NIPSNAP3B: variants seen among roughly 807,000 people sequenced by gnomAD.
NIPSNAP3B encodes the protein protein NipSnap homolog 3B.
In NIPSNAP3B, 30 loss-of-function variants were observed where a neutral mutation model predicts 31.5. The observed-to-expected ratio is 0.95, with a 90% CI of 0.71 to 1.29. NIPSNAP3B has a LOEUF of 1.29. Ranked by LOEUF, NIPSNAP3B falls within the 50% of genes most tolerant of loss-of-function variation. NIPSNAP3B has a pLI of 0.00. For missense variants in NIPSNAP3B, 269 were observed against 300.7 expected (o/e 0.89, Z 0.78); for synonymous variants, 106 against 107.9 (o/e 0.98, Z 0.11).
chr9:104,784,932 CCA>C, the NIPSNAP3B span, among the ~76,000 whole-genome samples: 5 of 152,160 alleles, frequency 3.3e-5, no homozygotes, highest in Admixed American at 6.5e-5. Context: ...GCATGAGCCA[CCA>C]CGCCCGGCCA....
downstream of NIPSNAP3B, chr9:104,782,138 G>A (rs1458595841): frequency 6.6e-6 from 1 of 151,918 alleles, no homozygotes; most frequent in African/African-American, 2.4e-5. Context: ...AGTAAAATGA[G>A]GAAACCATAA....
At chr9:104,780,685 A>G (rs754668985), downstream of NIPSNAP3B, among the ~76,000 whole-genome samples, 5 of 152,208 alleles carry the variant, frequency 3.3e-5, no homozygotes, top group Non-Finnish European at 7.3e-5. Context: ...CTTCCCCTAT[A>G]CCAAGTGAAC....
At chr9:104,785,767 G>T in the NIPSNAP3B span, 1 of 1,075,354 alleles carries the variant, frequency 9.3e-7, no homozygotes, top group East Asian at 2.5e-5. Flanking sequence ...ATAAGTTTCT[G>T]AGAGAAGGAA....
chr9:104,781,119 T>C (rs1287799665), downstream of NIPSNAP3B: 1 of 152,648 alleles, frequency 6.6e-6, no homozygotes, highest in Non-Finnish European at 1.5e-5. Context: ...TTTTTTTCTT[T>C]TTTCCTTTTA....
rs1157620093 is a variant in NIPSNAP3B at position 104,775,762 on chromosome 9, C to T, written c.*2689C>T. On this transcript the variant is annotated 3_prime_UTR_variant, in exon 6 of 6. Transcript: ENST00000374762. ...TGATCTTTAACCAGAAACTTTATCTCAGCTATTGGCAACTCCAGGTTTCTG... is the reference window on the plus strand; with the variant it reads ...TGATCTTTAACCAGAAACTTTATCTTAGCTATTGGCAACTCCAGGTTTCTG... Among the ~76,000 whole-genome samples the T allele has an allele frequency of 6.6e-6, 1 of 152,214 alleles. No individual in the cohort carries two copies. Among genetic ancestry groups the T allele is most frequent in the Non-Finnish European group, 1.5e-5 (1 of 68,038 alleles).
the NIPSNAP3B span, among the ~76,000 whole-genome samples, chr9:104,789,791 TCCA>T: frequency 9.9e-5 from 15 of 152,066 alleles, no homozygotes; most frequent in Non-Finnish European, 2.1e-4. Context: ...GTACTATCTC[TCCA>T]CATAATAAGT....
At position 104,773,157 on chromosome 9, in the gene NIPSNAP3B, G is replaced by A. The variant is rs550069726; in HGVS notation, c.*84G>A. 6.8e-5 allele frequency: 92 copies of A among 1,359,720 alleles called. No individual in the cohort carries two copies. In the East Asian group the frequency reaches 1.3e-3, roughly 19 times the overall value. The allele number at this position is 1,359,720 out of a possible 1,614,324, so 84.2% of individuals were successfully genotyped here. A position where few individuals can be genotyped will look rare whatever the true frequency, so the allele number is the denominator to read the frequency against. ...GCTTAAATTCTCCCAAGAGGTTCTC[G>A]CTTTTATTTGAAGGAGGTGGTAAGT... On this transcript the variant is annotated 3_prime_UTR_variant, in exon 6 of 6. Coordinates refer to ENST00000374762, the MANE Select transcript of NIPSNAP3B (RefSeq NM_018376.4).
intron 2 of NIPSNAP3B, among the ~76,000 whole-genome samples, chr9:104,766,795 C>G (rs1438906338): frequency 2.0e-5 from 3 of 152,076 alleles, no homozygotes; most frequent in Admixed American, 2.0e-4. Context: ...GTGAATTAGA[C>G]TTTAATCCTC....
rs971347246 is a variant in NIPSNAP3B, at chr9:104,775,661, T to G, written c.*2588T>G. Among the ~76,000 whole-genome samples the G allele has an allele frequency of 6.6e-6, 1 of 152,120 alleles. No homozygotes were observed. The highest frequency in any genetic ancestry group is 1.5e-5 in the Non-Finnish European group (1 of 68,020). ...GAATTTGAATTCCAGGCTCATCACA[T>G]CCAGGTGTGTTCCCCACACCTCCAC... is the stretch of plus-strand genomic sequence containing the variant. On this transcript the variant is annotated 3_prime_UTR_variant, in exon 6 of 6. Transcript: ENST00000374762.
At chr9:104,772,456 A>T (rs1344884985) in intron 4 of NIPSNAP3B, among the ~76,000 whole-genome samples, 1 of 152,148 alleles carries the variant, frequency 6.6e-6, no homozygotes, top group Admixed American at 6.5e-5. Flanking sequence ...TTATCTAGGC[A>T]GTTAAGATTA....
In NIPSNAP3B at chr9:104,772,914, C is replaced by G; in HGVS notation, c.667+6C>G. 6.2e-7 allele frequency: 1 copy of G among 1,613,622 alleles called. No individual in the cohort carries two copies. ...TCCCAGAGTTGTGGCGGCTGGTAAG[C>G]TGTTTCACTAAGCACGAATTATTTT... On this transcript the variant is annotated splice_donor_region_variant and intron_variant, in intron 5 of 5. Coordinates refer to ENST00000374762, the MANE Select transcript of NIPSNAP3B (RefSeq NM_018376.4).
intron 1 of NIPSNAP3B, among the ~76,000 whole-genome samples, chr9:104,765,929 A>T (rs535794524): frequency 5.9e-5 from 9 of 152,260 alleles, no homozygotes; most frequent in Non-Finnish European, 5.9e-5. Flanking sequence ...AATTTTTTTC[A>T]ATGTGTGGAA....
At chr9:104,779,354 ATACAG>A (rs1165680130), downstream of NIPSNAP3B, among the ~76,000 whole-genome samples, 1 of 152,230 alleles carries the variant, frequency 6.6e-6, no homozygotes, top group East Asian at 1.9e-4. Context: ...AGTATCTGGC[ATACAG>A]TAAAGTTCAA....
chr9:104,777,063 T>C lies in NIPSNAP3B; in HGVS notation c.*3990T>C, dbSNP rs1336028828. 1 of 152,170 alleles carries C rather than the reference T, an allele frequency of 6.6e-6. No homozygotes were observed. The highest frequency in any genetic ancestry group is 1.5e-5 in the Non-Finnish European group (1 of 68,024). 9.4% of individuals were successfully genotyped at this position (152,170 alleles called of 1,614,324 possible). On this transcript the variant is annotated 3_prime_UTR_variant, in exon 6 of 6. Coordinates refer to ENST00000374762, the MANE Select transcript of NIPSNAP3B (RefSeq NM_018376.4). Reference sequence around the variant, plus strand: ...GAGTGCCATCAATAAATAAAAATAATACCATTGTCTGTTGGTTATAAGTTG... The same window carrying C: ...GAGTGCCATCAATAAATAAAAATAACACCATTGTCTGTTGGTTATAAGTTG...
In NIPSNAP3B at chr9:104,775,991, C is replaced by T. The variant is rs1361907773; in HGVS notation, c.*2918C>T. Among the ~76,000 whole-genome samples, 1 of 152,146 alleles carries T rather than the reference C, an allele frequency of 6.6e-6. No homozygotes were observed. Among genetic ancestry groups the T allele is most frequent in the Non-Finnish European group, 1.5e-5 (1 of 68,008 alleles). On this transcript the variant is annotated 3_prime_UTR_variant, in exon 6 of 6. Coordinates refer to ENST00000374762, the MANE Select transcript of NIPSNAP3B (RefSeq NM_018376.4). ...TGCTGCCCTTCCCCTCTGCTCTCAA[C>T]CCTATTTTCAACATAGCAGTCAGAA...
chr9:104,788,002 T>C, the NIPSNAP3B span: 1 of 1,614,234 alleles, frequency 6.2e-7, no homozygotes, highest in South Asian at 1.1e-5. Flanking sequence ...GTTACCAGCA[T>C]ATTTTTCTCC....
rs1388960016 is a variant in NIPSNAP3B, at chr9:104,774,085, T to C, written c.*1012T>C. ...GATGCCTCTACCTACTAAAACTAGA[T>C]TTGGTACTTCCGATAGTGTATATTT... On this transcript the variant is annotated 3_prime_UTR_variant, in exon 6 of 6. Coordinates refer to ENST00000374762, the MANE Select transcript of NIPSNAP3B (RefSeq NM_018376.4). The C allele has an allele frequency of 1.3e-5, 2 of 152,224 alleles. No homozygotes were observed. The highest frequency in any genetic ancestry group is 1.3e-4 in the Admixed American group (2 of 15,284). 9.4% of individuals were successfully genotyped at this position (152,224 alleles called of 1,614,324 possible).
At chr9:104,769,078 A>G in intron 3 of NIPSNAP3B, 57 bp downstream of exon 3, 4 of 1,330,658 alleles carry the variant, frequency 3.0e-6, no homozygotes, top group Non-Finnish European at 2.1e-6. Flanking sequence ...AAAGACCTAA[A>G]GTTATAAAGA....
At chr9:104,777,833 T>C (rs1232424393), downstream of NIPSNAP3B, among the ~76,000 whole-genome samples, 1 of 152,222 alleles carries the variant, frequency 6.6e-6, no homozygotes, top group Non-Finnish European at 1.5e-5. Flanking sequence ...CAGTCTCCCC[T>C]TCCTTGCCTC....
Sources: allele counts gnomAD v4.1 joint callset (sites outside exome capture counted in the v4.1 genomes callset), GRCh38; gene constraint gnomAD v4.1.1; transcripts MANE v1.5; gene names NCBI Gene and HGNC (gene_info 2026-07-23, HGNC 2026-07-21).